NPHP4: variants seen among roughly 807,000 people sequenced by gnomAD.
NPHP4 encodes the protein nephrocystin 4.
NPHP4 carries 151 observed loss-of-function variants against 155.8 expected under a neutral mutation model. That is an observed-to-expected ratio of 0.97 (90% CI 0.85 to 1.11). The LOEUF is 1.11. NPHP4 is among the 50% of genes least tolerant of loss of function. The pLI, the probability that NPHP4 is intolerant of heterozygous loss-of-function variation, is 0.00. For missense variants in NPHP4, 1,956 were observed against 1,925.7 expected (o/e 1.02, Z -0.29); for synonymous variants, 845 against 816.8 (o/e 1.03, Z -0.59).
At chr1:5,930,529 T>G (rs1347040101) in intron 10 of NPHP4, among the ~76,000 whole-genome samples, 1 of 152,242 alleles carries the variant, frequency 6.6e-6, no homozygotes, top group South Asian at 2.1e-4. Flanking sequence ...TGAGATTTAC[T>G]CTTTACTTTA....
chr1:5,888,419 C>G, intron 17 of NPHP4: 1 of 1,095,092 alleles, frequency 9.1e-7, no homozygotes, highest in South Asian at 2.2e-5. Context: ...CCAGTTTCTA[C>G]AGCAACAAAA....
intron 6 of NPHP4, among the ~76,000 whole-genome samples, chr1:5,957,588 G>C (rs371561673): frequency 8.2e-5 from 9 of 109,530 alleles, no homozygotes; most frequent in African/African-American, 2.6e-4. Context: ...ATTTAATTCA[G>C]CAGAATGCAC....
rs142082542 is a variant in NPHP4 at position 5,976,768 on chromosome 1, G to A, written c.279+1502C>T. ...CTCCCTCTACTACCCATGGGAGGAA[G>A]GGCAAGAGTCAGGACCCATCCATGT... is the stretch of plus-strand genomic sequence containing the variant. On this transcript the variant is annotated intron_variant, in intron 3 of 29. Coordinates refer to ENST00000378156, the MANE Select transcript of NPHP4 (RefSeq NM_015102.5). Among the ~76,000 whole-genome samples, 55 of 152,294 alleles carry A rather than the reference G, an allele frequency of 3.6e-4. No homozygotes were observed. The East Asian group carries it at 8.3e-3, about 23-fold the overall frequency.
At chr1:5,898,496 T>C (rs112526919) in intron 16 of NPHP4, among the ~76,000 whole-genome samples, 7 of 152,296 alleles carry the variant, frequency 4.6e-5, no homozygotes, top group African/African-American at 1.7e-4. Context: ...AGGACCAGCG[T>C]GCAGGGCCTT....
chr1:5,864,248 G>C (rs560126756), intron 28 of NPHP4, 90 bp downstream of exon 28: 1 of 1,302,848 alleles, frequency 7.7e-7, no homozygotes, highest in Middle Eastern at 2.4e-4. Flanking sequence ...TGTATCCAGT[G>C]GTCCGAGTCA....
At chr1:5,965,196 G>C (rs1046176715) in intron 5 of NPHP4, among the ~76,000 whole-genome samples, 3 of 151,918 alleles carry the variant, frequency 2.0e-5, no homozygotes, top group Non-Finnish European at 2.9e-5. Flanking sequence ...GCCTCTCAAA[G>C]TGTTGGGATT....
At chr1:5,971,447 G>T (rs2102281551) in intron 3 of NPHP4, among the ~76,000 whole-genome samples, 1 of 152,290 alleles carries the variant, frequency 6.6e-6, no homozygotes, top group South Asian at 2.1e-4. Flanking sequence ...ATCATTTATT[G>T]ACCCTCCAGT....
intron 9 of NPHP4, among the ~76,000 whole-genome samples, chr1:5,937,948 G>A (rs1351155865): frequency 2.6e-5 from 4 of 152,234 alleles, no homozygotes; most frequent in Non-Finnish European, 5.9e-5. Context: ...ACACTCACGT[G>A]GTGTGAGAGC....
intron 20 of NPHP4, chr1:5,876,637 G>A (rs1477465520): frequency 6.5e-6 from 1 of 153,736 alleles, no homozygotes; most frequent in Non-Finnish European, 1.4e-5. Context: ...GAACCCAGGA[G>A]GTACAACCAT....
chr1:5,905,651 C>A lies in NPHP4; in HGVS notation c.1744G>T (p.Val582Leu), dbSNP rs777885598. 1.2e-6 allele frequency: 2 copies of A among 1,613,960 alleles called. No individual in the cohort carries two copies. Among genetic ancestry groups the A allele is most frequent in the South Asian group, 2.2e-5 (2 of 91,054 alleles). ...PFTPLHAPIV[V>L]GTQTRSSAGQ... The stretch of plus-strand genomic sequence containing the variant: ...CCTCACCTCCTGGTCTGGGTTCCCA[C>A]AACAATAGGGGCATGCAAAGGCGTG... The change falls in exon 14 of 30, where the codon GTG becomes TTG. Residue 582 changes from valine to leucine, a missense_variant. Physicochemically the swap from Val to Leu is conservative, Grantham distance 32 (BLOSUM62 1). Coordinates refer to ENST00000378156, the MANE Select transcript of NPHP4 (RefSeq NM_015102.5). This position sits in a 1 kb window ranked among gnomAD's most constrained non-coding sequence, Gnocchi z 4.0.
At chr1:5,864,736 G>C (rs886153775) in intron 27 of NPHP4, 16 of 545,600 alleles carry the variant, frequency 2.9e-5, no homozygotes, top group Admixed American at 1.3e-4. Context: ...TATTCCCTAA[G>C]CGCTGCCTCC....
rs1265311051 is a variant in NPHP4, at chr1:5,905,559, G to T, written c.1763+73C>A. ...TGATGCACCTCCCTGTGGAAACCCT[G>T]GGGTTCACAAGGTCCAACAGTCTGA... On this transcript the variant is annotated intron_variant, in intron 14 of 29. Coordinates refer to ENST00000378156, the MANE Select transcript of NPHP4 (RefSeq NM_015102.5). The surrounding 1 kb of genome is among the most constrained non-coding windows in gnomAD (Gnocchi z 4.0). 4 of 1,602,756 alleles carry T rather than the reference G, an allele frequency of 2.5e-6. No homozygotes were observed. Among genetic ancestry groups the T allele is most frequent in the Non-Finnish European group, 3.4e-6 (4 of 1,171,636 alleles).
Position 5,863,032 on chromosome 1 carries a change from G to C in NPHP4, c.*233C>G, listed in dbSNP as rs1214728238. On this transcript the variant is annotated 3_prime_UTR_variant, in exon 30 of 30. Transcript: ENST00000378156. ...CACCAGAGCCAGACCCACCACCACG[G>C]AGTTCGCGCTCACGGAACCCAGGCC... is the stretch of plus-strand genomic sequence containing the variant. 1.7e-6 allele frequency: 1 copy of C among 573,994 alleles called. No homozygotes were observed. The highest frequency in any genetic ancestry group is 1.9e-5 in the African/African-American group (1 of 53,570). 35.6% of individuals were successfully genotyped at this position (573,994 alleles called of 1,614,324 possible).
At chr1:5,914,286 A>AAAAAAAAAAAAAAAAAAAAAAAG (rs70977991) in intron 11 of NPHP4, among the ~76,000 whole-genome samples, 1 of 139,874 alleles carries the variant, frequency 7.1e-6, no homozygotes, top group African/African-American at 3.0e-5. Context: ...AAAAAAAAAA[A>AAAAAAAAAAAAAAAAAAAAAAAG]GGCCTGGTGT....
Position 5,986,259 on chromosome 1 carries a change from T to C in NPHP4, c.31A>G (p.Asn11Asp), listed in dbSNP as rs756667980. 1.2e-6 allele frequency: 2 copies of C among 1,613,804 alleles called. No individual in the cohort carries two copies. The highest frequency in any genetic ancestry group is 1.7e-6 in the Non-Finnish European group (2 of 1,179,846). Residue 11 changes from asparagine (N) to aspartate (D), a missense_variant, in exon 2 of 30, where the codon AAC (asparagine) becomes GAC (aspartate). Transcript: ENST00000378156. The stretch of plus-strand genomic sequence containing the variant: ...TGTGGGTGGGGAGGGACAAGCACGT[T>C]TTGGGTGAAGATCCTGTGCCAGTCG... MNDWHRIFTQNVLVPPHPQRA... is the reference protein window; with the variant it reads MNDWHRIFTQDVLVPPHPQRA...
Position 5,969,166 on chromosome 1 carries a change from T to A in NPHP4, c.373A>T (p.Thr125Ser). The stretch of plus-strand genomic sequence containing the variant: ...AGAATTCCAAACCCACAGGACAATG[T>A]CTGGAGGCTCCCATCCCGTTTCTTG... ...EGKKRDGSLQTLSCGFGILRI... is the reference protein window; with the variant it reads ...EGKKRDGSLQSLSCGFGILRI... Residue 125 changes from threonine (T) to serine (S), a missense_variant, in exon 4 of 30, where the codon ACA becomes TCA. Thr to Ser is a moderately conservative substitution (Grantham distance 58). Coordinates refer to ENST00000378156, the MANE Select transcript of NPHP4 (RefSeq NM_015102.5). The A allele has an allele frequency of 6.4e-7, 1 of 1,560,584 alleles. No individual in the cohort carries two copies. Among genetic ancestry groups the A allele is most frequent in the South Asian group, 1.2e-5 (1 of 84,568 alleles).
chr1:5,928,312 A>T (rs371914497), intron 10 of NPHP4, among the ~76,000 whole-genome samples: 2 of 152,268 alleles, frequency 1.3e-5, no homozygotes, highest in South Asian at 2.1e-4. Flanking sequence ...GGAATCACAT[A>T]ATGTATAACT....
At chr1:5,879,828 C>T (rs1289043055) in intron 19 of NPHP4, among the ~76,000 whole-genome samples, 1 of 110,210 alleles carries the variant, frequency 9.1e-6, no homozygotes, top group East Asian at 2.3e-4. Context: ...CACACACACA[C>T]ACGCAAACAC....
chr1:5,948,200 G>T lies in NPHP4; in HGVS notation c.862C>A (p.Arg288Ser), dbSNP rs372256352. ...GALEILERRL[R>S]VGVHNGLGFV... is the part of the protein sequence containing the mutation. ...CCCAGACCATTGTGCACGCCCACAC[G>T]CAGGCGCCGCTCCAGGATCTCCAGG... Residue 288 changes from arginine (R) to serine (S), a missense_variant, in exon 8 of 30, where the codon CGT becomes AGT. Transcript: ENST00000378156. 1.2e-6 allele frequency: 2 copies of T among 1,605,516 alleles called. No homozygotes were observed. Among genetic ancestry groups the T allele is most frequent in the African/African-American group, 1.3e-5 (1 of 74,932 alleles).
Sources: gnomAD v4.1 joint callset for allele counts (sites outside exome capture counted in the v4.1 genomes callset) on GRCh38, gnomAD v4.1.1 for gene constraint, Gnocchi (gnomAD v3.1) non-coding constraint, MANE v1.5 for transcripts, NCBI Gene and HGNC (gene_info 2026-07-23, HGNC 2026-07-21) for gene names.